The following NRBP1 variants were observed in gnomAD, a reference collection of about 807,000 sequenced individuals.
NRBP1 encodes nuclear receptor binding protein 1.
NRBP1 carries 10 observed loss-of-function variants against 76.0 expected under a neutral mutation model. The observed-to-expected ratio is 0.13, with a 90% CI of 0.08 to 0.22. The LOEUF (loss-of-function observed/expected upper bound fraction) is 0.22. Among genes scored for constraint, NRBP1 ranks in the 10% least tolerant of loss-of-function variants. The pLI is 1.00. For missense variants in NRBP1, 344 were observed against 646.0 expected (o/e 0.53, Z 5.07); for synonymous variants, 235 against 240.2 (o/e 0.98, Z 0.20).
chr2:27,441,502 C>T (rs1006442735), intron 16 of NRBP1, 65 bp from the exon 17 acceptor site: 1 of 1,558,934 alleles, frequency 6.4e-7, no homozygotes, highest in African/African-American at 1.4e-5. Context: ...CCTAGTGGGG[C>T]TGTCTGAAGG....
chr2:27,438,136 G>A (rs988770167), intron 10 of NRBP1, among the ~76,000 whole-genome samples: 6 of 151,122 alleles, frequency 4.0e-5, no homozygotes, highest in African/African-American at 1.5e-4. Context: ...GCTGAGATTG[G>A]GCCACTGCAC....
Position 27,440,636 on chromosome 2 carries a change from C to T in NRBP1, c.1143-16C>T, listed in dbSNP as rs1664503986. On this transcript the variant is annotated splice_polypyrimidine_tract_variant and intron_variant, in intron 12 of 17. Coordinates refer to ENST00000379852, the MANE Select transcript of NRBP1 (RefSeq NM_013392.4). The stretch of plus-strand genomic sequence containing the variant: ...TTGTTTCTTTCCTTCCATCTCCTTT[C>T]TCTTTTCTCGTCCAGGTACTCTCAG... 6.2e-7 allele frequency: 1 copy of T among 1,614,056 alleles called. No homozygotes were observed. Among genetic ancestry groups the T allele is most frequent in the South Asian group, 1.1e-5 (1 of 91,080 alleles).
intron 7 of NRBP1, chr2:27,435,614 GTC>G: frequency 1.4e-6 from 1 of 714,682 alleles, no homozygotes; most frequent in Non-Finnish European, 2.6e-6. Context: ...TGTGTGCTGT[GTC>G]TGTGTGGTAT....
rs1664565142 is a variant in NRBP1 at position 27,441,574 on chromosome 2, T to A, written c.1455T>A (p.Asn485Lys). ...CTCCTGTTTCTTTGTCAGATGAGAATATCCCCGAGTTGGCGGCTGAGCTGG... is the reference window on the plus strand; with the variant it reads ...CTCCTGTTTCTTTGTCAGATGAGAAAATCCCCGAGTTGGCGGCTGAGCTGG... ...HLSCDLMPNENIPELAAELVQ... is the reference protein window; with the variant it reads ...HLSCDLMPNEKIPELAAELVQ... Residue 485 changes from asparagine (N) to lysine (K), a missense_variant, in exon 17 of 18, where the codon AAT (asparagine) becomes AAA (lysine). Around this residue, in one of 3 missense-constraint regions of NRBP1, gnomAD observed 218 missense variants for 309.8 expected, o/e 0.70. Coordinates refer to ENST00000379852, the MANE Select transcript of NRBP1 (RefSeq NM_013392.4). 8 of 1,614,120 alleles carry A rather than the reference T, an allele frequency of 5.0e-6. No individual in the cohort carries two copies. Among genetic ancestry groups the A allele is most frequent in the Non-Finnish European group, 6.8e-6 (8 of 1,180,016 alleles).
At position 27,435,844 on chromosome 2, in the gene NRBP1, C is replaced by G. The variant is rs528422269; in HGVS notation, c.661+617C>G. 4.3e-5 allele frequency: 31 copies of G among 713,952 alleles called. No individual in the cohort carries two copies. In the Middle Eastern group the frequency reaches 9.7e-4, roughly 22 times the overall value. 44.2% of individuals were successfully genotyped at this position (713,952 alleles called of 1,614,324 possible). A position where few individuals can be genotyped will look rare whatever the true frequency, so the allele number is the denominator to read the frequency against. On this transcript the variant is annotated intron_variant, in intron 7 of 17. Coordinates refer to ENST00000379852, the MANE Select transcript of NRBP1 (RefSeq NM_013392.4). ...TGCAGTCGTGGGAGCAAACCCTCTT[C>G]CCCTATCTTCCCTGCCTAATTATGC...
chr2:27,436,894 C>T, intron 8 of NRBP1, 58 bp downstream of exon 8: 1 of 1,515,150 alleles, frequency 6.6e-7, no homozygotes, highest in South Asian at 1.1e-5. Flanking sequence ...CACCTTATAA[C>T]TTGAGGTACA....
At chr2:27,440,357 A>T in intron 11 of NRBP1, 46 bp from the exon 12 acceptor site, 1 of 1,316,248 alleles carries the variant, frequency 7.6e-7, no homozygotes, top group Non-Finnish European at 1.1e-6. Flanking sequence ...TTTGACATTT[A>T]ATCTGACTAT....
intron 10 of NRBP1, among the ~76,000 whole-genome samples, chr2:27,439,288 C>G (rs1447788951): frequency 6.6e-6 from 1 of 151,786 alleles, no homozygotes; most frequent in African/African-American, 2.4e-5. Flanking sequence ...GAGATTGAGA[C>G]CATCCTGGCT....
In NRBP1 at chr2:27,437,298, T is replaced by G. The variant is rs1664344294; in HGVS notation, c.841T>G (p.Ser281Ala). 6 of 1,613,888 alleles carry G rather than the reference T, an allele frequency of 3.7e-6. No homozygotes were observed. The highest frequency in any genetic ancestry group is 1.7e-4 in the Middle Eastern group (1 of 6,054). ...VLEIQGNGES[S>A]YVPQEAISSA... is the part of the protein sequence containing the mutation. ...GGAGATTCAGGGCAATGGAGAGTCCTCATATGTGCCACAGGAAGCCATCAG... is the reference window on the plus strand; with the variant it reads ...GGAGATTCAGGGCAATGGAGAGTCCGCATATGTGCCACAGGAAGCCATCAG... Residue 281 changes from serine (S) to alanine (A), a missense_variant, in exon 10 of 18, where the codon TCA (serine) becomes GCA (alanine). Transcript: ENST00000379852.
chr2:27,437,034 C>G lies in NRBP1; in HGVS notation c.746-13C>G, dbSNP rs1558337058. 1 of 1,611,134 alleles carries G rather than the reference C, an allele frequency of 6.2e-7. No homozygotes were observed. ...ATCCTCTGATTAACCAAAGCCTTCT[C>G]TGTTTTCCCTAGAAGTCACTAATGT... On this transcript the variant is annotated splice_polypyrimidine_tract_variant and intron_variant, in intron 8 of 17. Transcript: ENST00000379852.
intron 1 of NRBP1, among the ~76,000 whole-genome samples, chr2:27,432,306 G>A (rs2148445622): frequency 6.6e-6 from 1 of 152,314 alleles, no homozygotes; most frequent in Non-Finnish European, 1.5e-5. Flanking sequence ...CATAAATCTT[G>A]TGTTTGTCAT....
rs759608274 is a variant in NRBP1, at chr2:27,435,088, C to T, written c.567-45C>T. The T allele has an allele frequency of 1.8e-5, 23 of 1,280,388 alleles. No homozygotes were observed. In the East Asian group the frequency reaches 3.9e-4, roughly 22 times the overall value. The allele number at this position is 1,280,388 out of a possible 1,614,324, so 79.3% of individuals were successfully genotyped here. On this transcript the variant is annotated intron_variant, in intron 6 of 17. Coordinates refer to ENST00000379852, the MANE Select transcript of NRBP1 (RefSeq NM_013392.4). ...CTCTTAACCCTTGGGTTCCCCCTGC[C>T]CTTAATTTCCCAGTGGCCCCTCTAA...
chr2:27,439,876 C>T lies in NRBP1; in HGVS notation c.1014C>T (p.Ala338=), dbSNP rs746838386. 1.9e-6 allele frequency: 3 copies of T among 1,614,126 alleles called. No individual in the cohort carries two copies. The highest frequency in any genetic ancestry group is 2.5e-6 in the Non-Finnish European group (3 of 1,180,006). The change falls in exon 11 of 18, where the codon GCC becomes GCT. Residue 338 remains alanine, a synonymous_variant. Transcript: ENST00000379852. ...FEVPSLKLLA[A]HCIVGHQHMI... ...TGCCCTCGCTCAAACTCCTTGCGGC[C>T]CACTGCATTGTGGGACACCAACGTG...
chr2:27,441,984 C>G lies in NRBP1; in HGVS notation c.*172C>G. 1.7e-6 allele frequency: 1 copy of G among 597,792 alleles called. No individual in the cohort carries two copies. The highest frequency in any genetic ancestry group is 2.1e-5 in the South Asian group (1 of 47,538). The allele number at this position is 597,792 out of a possible 1,614,324, so 37.0% of individuals were successfully genotyped here. On this transcript the variant is annotated 3_prime_UTR_variant, in exon 18 of 18. Transcript: ENST00000379852. ...TGAGCATCATCCTTTCCCCTCCCCT[C>G]TCTTCCTCCCCTCTGCACTTTGTTT...
intron 1 of NRBP1, among the ~76,000 whole-genome samples, chr2:27,430,736 A>G (rs1255472426): frequency 2.6e-5 from 4 of 152,118 alleles, no homozygotes; most frequent in African/African-American, 7.2e-5. Flanking sequence ...CTGGGATTAC[A>G]GGCGTGGGCC....
intron 10 of NRBP1, among the ~76,000 whole-genome samples, chr2:27,437,968 CTT>C (rs1664377961): frequency 6.6e-6 from 1 of 151,862 alleles, no homozygotes; most frequent in African/African-American, 2.4e-5. Flanking sequence ...GGGTGGATCA[CTT>C]GAGGTCAGGA....
At chr2:27,436,860 C>T in intron 8 of NRBP1, 24 bp downstream of exon 8, 1 of 1,602,284 alleles carries the variant, frequency 6.2e-7, no homozygotes. Flanking sequence ...CTTTCTCTGC[C>T]CTGTCCTCAT....
At position 27,440,645 on chromosome 2, in the gene NRBP1, C is replaced by T. The variant is rs777611492; in HGVS notation, c.1143-7C>T. 21 of 1,614,084 alleles carry T rather than the reference C, an allele frequency of 1.3e-5. No homozygotes were observed. In the East Asian group the frequency reaches 1.8e-4, roughly 14 times the overall value. ...TCCTTCCATCTCCTTTCTCTTTTCT[C>T]GTCCAGGTACTCTCAGTCACCAGCT... is the stretch of plus-strand genomic sequence containing the variant. On this transcript the variant is annotated splice_region_variant and splice_polypyrimidine_tract_variant and intron_variant, in intron 12 of 17. Coordinates refer to ENST00000379852, the MANE Select transcript of NRBP1 (RefSeq NM_013392.4).
intron 1 of NRBP1, chr2:27,431,967 G>C (rs1228385591): frequency 6.6e-6 from 1 of 152,254 alleles, no homozygotes; most frequent in East Asian, 1.9e-4. Context: ...TCCTGCCTCA[G>C]CCTCCTGAGT....
Sources: allele counts gnomAD v4.1 joint callset (sites outside exome capture counted in the v4.1 genomes callset), GRCh38; gene constraint gnomAD v4.1.1; regional missense constraint gnomAD v4.1.1; transcripts MANE v1.5; gene names NCBI Gene and HGNC (gene_info 2026-07-23, HGNC 2026-07-21).